Variants in PRKCD observed in about 807,000 individuals in gnomAD.
The protein encoded by PRKCD is protein kinase C delta, also known as protein kinase C delta type.
Under a neutral mutation model 82.2 loss-of-function variants are expected in PRKCD, and 20 were observed. That is an observed-to-expected ratio of 0.24 (90% CI 0.17 to 0.35). The LOEUF (loss-of-function observed/expected upper bound fraction) is 0.35. PRKCD is among the 10% of genes least tolerant of loss of function. The pLI, the probability that PRKCD is intolerant of heterozygous loss-of-function variation, is 1.00. For synonymous variants in PRKCD, 317 were observed against 337.0 expected (o/e 0.94, Z 0.65); for missense variants, 607 against 899.0 (o/e 0.68, Z 4.15).
At chr3:53,188,993 C>G in intron 16 of PRKCD, 65 bp from the exon 17 acceptor site, 1 of 1,571,066 alleles carries the variant, frequency 6.4e-7, no homozygotes, top group Non-Finnish European at 8.6e-7. Flanking sequence ...AGGCTTCGTG[C>G]CCAGGGGCCC....
chr3:53,184,782 T>G, intron 9 of PRKCD, 92 bp from the exon 10 acceptor site: 1 of 1,026,052 alleles, frequency 9.7e-7, no homozygotes, highest in South Asian at 1.3e-5. Context: ...ACTGAAGCCC[T>G]CCTTTCTCTT....
Position 53,181,589 on chromosome 3 carries a change from G to A in PRKCD, c.522G>A (p.Val174=), listed in dbSNP as rs782117554. The change falls in exon 6 of 19, where the codon GTG becomes GTA. Residue 174 remains valine, a synonymous_variant. Coordinates refer to ENST00000330452, the MANE Select transcript of PRKCD (RefSeq NM_006254.4). ...TTGGGCAACCCACCTTCTGTTCTGT[G>A]TGCAAAGACTTTGTCTGGTGAGAAC... ...TFFGQPTFCS[V]CKDFVWGLNK... 3 of 1,614,146 alleles carry A rather than the reference G, an allele frequency of 1.9e-6. No individual in the cohort carries two copies. Among genetic ancestry groups the A allele is most frequent in the Non-Finnish European group, 2.5e-6 (3 of 1,180,058 alleles).
Position 53,185,608 on chromosome 3 carries a change from C to A in PRKCD, c.893C>A (p.Ala298Asp). 1 of 1,613,374 alleles carries A rather than the reference C, an allele frequency of 6.2e-7. No homozygotes were observed. The highest frequency in any genetic ancestry group is 8.5e-7 in the Non-Finnish European group (1 of 1,179,944). The change falls in exon 11 of 19, where the codon GCC becomes GAC. Residue 298 changes from alanine (A) to aspartate (D), a missense_variant. Ala to Asp is a moderately radical substitution (Grantham distance 126). Around this residue, in one of 5 missense-constraint regions of PRKCD, gnomAD observed 85 missense variants for 76.1 expected, o/e 1.12. Transcript: ENST00000330452. The part of the protein sequence containing the change: ...AEALNQVTQR[A>D]SRRSDSASSE... The stretch of plus-strand genomic sequence containing the variant: ...CCACCTCTGCTCCCTCCCCAGAGAG[C>A]CTCCCGGAGATCAGACTCAGCCTCC...
At chr3:53,163,269 G>C (rs1454521103) in intron 1 of PRKCD, among the ~76,000 whole-genome samples, 1 of 152,010 alleles carries the variant, frequency 6.6e-6, no homozygotes, top group Non-Finnish European at 1.5e-5. Flanking sequence ...GGGAGTGACT[G>C]TGATTGTGGG....
At chr3:53,167,012 C>T (rs782730751) in intron 2 of PRKCD, among the ~76,000 whole-genome samples, 22 of 152,252 alleles carry the variant, frequency 1.4e-4, no homozygotes, top group South Asian at 2.1e-4. Context: ...GTGTCCCCCA[C>T]GGTGTCCATG....
rs1286824389 is a variant in PRKCD, at chr3:53,192,268, G to T, written c.*2G>T. ...TTCGAGCACCTCCTGGAAGATTGAG[G>T]TTCCTGGACAGATCAGGCTAGCCCT... On this transcript the variant is annotated 3_prime_UTR_variant, in exon 19 of 19. Coordinates refer to ENST00000330452, the MANE Select transcript of PRKCD (RefSeq NM_006254.4). The T allele has an allele frequency of 6.2e-7, 1 of 1,613,814 alleles. No homozygotes were observed. The highest frequency in any genetic ancestry group is 8.5e-7 in the Non-Finnish European group (1 of 1,179,942).
chr3:53,162,908 C>T (rs188567598), intron 1 of PRKCD, among the ~76,000 whole-genome samples: 7 of 152,202 alleles, frequency 4.6e-5, no homozygotes, highest in Admixed American at 3.9e-4. Context: ...TGTGTGTGTA[C>T]TCACGTGTGG....
intron 18 of PRKCD, 86 bp from the exon 19 acceptor site, chr3:53,192,022 G>A (rs1703940682): frequency 1.4e-6 from 2 of 1,444,388 alleles, no homozygotes; most frequent in Non-Finnish European, 1.9e-6. Flanking sequence ...CTCTGGCCTG[G>A]CCCAGCCCTG....
rs550463115 is a variant in PRKCD, at chr3:53,176,608, A to G, written c.-19-1796A>G. Among the ~76,000 whole-genome samples, 44 of 152,384 alleles carry G rather than the reference A, an allele frequency of 2.9e-4. No homozygotes were observed. In the South Asian group the frequency reaches 5.6e-3, roughly 19 times the overall value. On this transcript the variant is annotated intron_variant, in intron 2 of 18. Coordinates refer to ENST00000330452, the MANE Select transcript of PRKCD (RefSeq NM_006254.4). ...GCTCCCTCAACCAAGGCTATGGAGC[A>G]GCCTTGTGGGGCCTGGGCAGGAGCC...
chr3:53,180,886 T>C (rs1009602607), intron 4 of PRKCD, among the ~76,000 whole-genome samples: 1 of 152,124 alleles, frequency 6.6e-6, no homozygotes, highest in Non-Finnish European at 1.5e-5. Context: ...CATTCTAAGA[T>C]CCTTGCTAAG....
At chr3:53,186,077 C>T in intron 12 of PRKCD, 50 bp downstream of exon 12, 1 of 1,611,492 alleles carries the variant, frequency 6.2e-7, no homozygotes, top group Non-Finnish European at 8.5e-7. Context: ...CTGGCTTCTT[C>T]CCGCTTAGGT....
rs910423723 is a variant in PRKCD at position 53,187,491 on chromosome 3, A to C, written c.1415+89A>C. 22 of 1,416,776 alleles carry C rather than the reference A, an allele frequency of 1.6e-5. No individual in the cohort carries two copies. In the African/African-American group the frequency reaches 1.7e-4, roughly 11 times the overall value. 87.8% of individuals were successfully genotyped at this position (1,416,776 alleles called of 1,614,324 possible). On this transcript the variant is annotated intron_variant, in intron 15 of 18. Coordinates refer to ENST00000330452, the MANE Select transcript of PRKCD (RefSeq NM_006254.4). ...AAATGCTCCAAGCAGGATCCCCCCA[A>C]CTCCAGTTCCTTCTCTGCTGGAAAT...
intron 2 of PRKCD, among the ~76,000 whole-genome samples, chr3:53,166,126 A>G (rs1462757167): frequency 6.6e-6 from 1 of 152,094 alleles, no homozygotes; most frequent in Non-Finnish European, 1.5e-5. Flanking sequence ...TAGGTCTGTG[A>G]GTAGAGCCAT....
intron 15 of PRKCD, among the ~76,000 whole-genome samples, chr3:53,188,219 G>A (rs536034862): frequency 1.3e-3 from 66 of 50,070 alleles, no homozygotes; most frequent in Non-Finnish European, 3.0e-3. Flanking sequence ...AAAAAAGGTG[G>A]GAGCGAGCTG....
At chr3:53,187,827 A>C (rs1276712462) in intron 15 of PRKCD, among the ~76,000 whole-genome samples, 1 of 152,218 alleles carries the variant, frequency 6.6e-6, no homozygotes, top group Non-Finnish European at 1.5e-5. Flanking sequence ...ATGCCAAGAT[A>C]TGTTGTTAAG....
At chr3:53,190,534 G>C (rs1703889264) in intron 18 of PRKCD, among the ~76,000 whole-genome samples, 1 of 152,184 alleles carries the variant, frequency 6.6e-6, no homozygotes, top group South Asian at 2.1e-4. Flanking sequence ...GAGAGGCCCC[G>C]TTGGAAGAAG....
chr3:53,169,374 G>A lies in PRKCD; in HGVS notation c.-20+4159G>A, dbSNP rs1164760079. 2.6e-5 allele frequency among the ~76,000 whole-genome samples: 4 copies of A among 152,114 alleles called. No homozygotes were observed. Among genetic ancestry groups the A allele is most frequent in the African/African-American group, 9.7e-5 (4 of 41,412 alleles). Reference sequence around the variant, plus strand: ...TCAACAGGCCTTCTAAGGGGTGGGGGAGCATTTGAGAGGCCCACGAACAGG... The same window carrying A: ...TCAACAGGCCTTCTAAGGGGTGGGGAAGCATTTGAGAGGCCCACGAACAGG... On this transcript the variant is annotated intron_variant, in intron 2 of 18. Coordinates refer to ENST00000330452, the MANE Select transcript of PRKCD (RefSeq NM_006254.4). The surrounding 1 kb of genome is among the most constrained non-coding windows in gnomAD (Gnocchi z 4.7).
Position 53,185,691 on chromosome 3 carries a change from G to A in PRKCD, c.976G>A (p.Asp326Asn). 6.2e-7 allele frequency: 1 copy of A among 1,612,182 alleles called. No homozygotes were observed. Among genetic ancestry groups the A allele is most frequent in the East Asian group, 2.2e-5 (1 of 44,882 alleles). ...FEKKTGVAGEDMQDNSGTYGK... is the reference protein window; with the variant it reads ...FEKKTGVAGENMQDNSGTYGK... ...GAAGAAGACCGGAGTTGCTGGGGAG[G>A]ACATGCAAGGTGAAGCTGGGTCCAT... The change falls in exon 11 of 19, where the codon GAC becomes AAC. Residue 326 changes from aspartate (D) to asparagine (N), a missense_variant. Physicochemically the swap from Asp to Asn is conservative, Grantham distance 23. This residue lies in a region of PRKCD where 85 missense variants were observed against 76.1 expected (regional missense o/e 1.12). Transcript: ENST00000330452.
At chr3:53,175,374 G>A (rs552189192) in intron 2 of PRKCD, among the ~76,000 whole-genome samples, 3 of 152,220 alleles carry the variant, frequency 2.0e-5, no homozygotes, top group African/African-American at 7.2e-5. Context: ...GTGGTAAGAG[G>A]AACCCCCTCC....
Sources: gnomAD v4.1 joint callset for allele counts (sites outside exome capture counted in the v4.1 genomes callset) on GRCh38, gnomAD v4.1.1 for gene constraint, gnomAD v4.1.1 regional missense constraint, Gnocchi (gnomAD v3.1) non-coding constraint, MANE v1.5 for transcripts, NCBI Gene and HGNC (gene_info 2026-07-23, HGNC 2026-07-21) for gene names.